The following SLC25A26 variants were observed in gnomAD, a reference collection of about 807,000 sequenced individuals.
SLC25A26 encodes the protein solute carrier family 25 member 26.
A neutral mutation model predicts 37.8 loss-of-function variants in SLC25A26; 36 were observed. The observed-to-expected ratio is 0.95, with a 90% CI of 0.73 to 1.26. The LOEUF (loss-of-function observed/expected upper bound fraction) is 1.26, where lower values mean the gene tolerates loss of function less well. Ranked by LOEUF, SLC25A26 falls within the 50% of genes most tolerant of loss-of-function variation. The pLI, the probability that SLC25A26 is intolerant of heterozygous loss-of-function variation, is 0.00. For missense variants in SLC25A26, 390 were observed against 331.1 expected (o/e 1.18, Z -1.38); for synonymous variants, 129 against 122.5 (o/e 1.05, Z -0.35).
rs535575463 is a variant in SLC25A26, at chr3:66,160,597, C to G, written c.-354+26613C>G. ...ATGTGCACAATAATGTGTGACAAAA[C>G]TTTAATTGACATATTGGCTTAATAC... On this transcript the variant is annotated intron_variant, in intron 1 of 10. Coordinates refer to the SLC25A26 transcript ENST00000676754. 4.9e-4 allele frequency among the ~76,000 whole-genome samples: 74 copies of G among 152,304 alleles called. 1 individual carries two copies. In the Middle Eastern group the frequency reaches 0.01, roughly 21 times the overall value.
At chr3:66,168,374 C>G (rs1257188961) in intron 1 of SLC25A26, among the ~76,000 whole-genome samples, 1 of 151,978 alleles carries the variant, frequency 6.6e-6, no homozygotes, top group Non-Finnish European at 1.5e-5. Context: ...TCGACTTCAT[C>G]TGCACTAAGA....
At chr3:66,221,962 A>G (rs1327609543) in intron 1 of SLC25A26, among the ~76,000 whole-genome samples, 1 of 151,996 alleles carries the variant, frequency 6.6e-6, no homozygotes, top group Non-Finnish European at 1.5e-5. Context: ...TGAGGATAAC[A>G]TGGTGAACAA....
intron 6 of SLC25A26, among the ~76,000 whole-genome samples, chr3:66,359,488 T>C (rs1173898692): frequency 6.6e-6 from 1 of 152,264 alleles, no homozygotes; most frequent in African/African-American, 2.4e-5. Flanking sequence ...TCAAGTCTAT[T>C]TGGAGTAGCC....
chr3:66,271,871 C>G (rs375054222), intron 5 of SLC25A26, among the ~76,000 whole-genome samples: 2 of 151,572 alleles, frequency 1.3e-5, no homozygotes, highest in Admixed American at 6.6e-5. Context: ...AATGTCTGTT[C>G]GTTTTCTTTT....
chr3:66,366,282 A>G (rs573794654), intron 7 of SLC25A26, among the ~76,000 whole-genome samples: 13 of 152,346 alleles, frequency 8.5e-5, no homozygotes, highest in Middle Eastern at 6.8e-3. Context: ...AGTAGCTTAC[A>G]GTGCCCTTAA....
At chr3:66,312,922 A>G (rs1284137202) in intron 5 of SLC25A26, among the ~76,000 whole-genome samples, 2 of 152,146 alleles carry the variant, frequency 1.3e-5, no homozygotes, top group African/African-American at 2.4e-5. Context: ...GCTGGGAGCT[A>G]CATATCGGAG....
At chr3:66,242,456 C>T (rs573253993) in intron 2 of SLC25A26, among the ~76,000 whole-genome samples, 1 of 152,312 alleles carries the variant, frequency 6.6e-6, no homozygotes, top group Admixed American at 6.5e-5. Flanking sequence ...CTTTGGAGAA[C>T]TGATTTTCAC....
chr3:66,159,754 TG>T (rs1187573866), intron 1 of SLC25A26, among the ~76,000 whole-genome samples: 2 of 152,184 alleles, frequency 1.3e-5, no homozygotes, highest in African/African-American at 4.8e-5. Context: ...TAGCTTCCCG[TG>T]AACAGCAAAG....
intron 1 of SLC25A26, among the ~76,000 whole-genome samples, chr3:66,193,674 C>G (rs1467417831): frequency 6.6e-6 from 1 of 151,742 alleles, no homozygotes. Flanking sequence ...AAAACTTACA[C>G]CAATTAAATG....
At chr3:66,162,515 G>C (rs1247022918) in intron 1 of SLC25A26, among the ~76,000 whole-genome samples, 1 of 152,024 alleles carries the variant, frequency 6.6e-6, no homozygotes, top group Non-Finnish European at 1.5e-5. Context: ...GCAGCAAACT[G>C]CAAGTATTTT....
At chr3:66,240,661 T>C (rs1383285895) in intron 2 of SLC25A26, among the ~76,000 whole-genome samples, 1 of 152,194 alleles carries the variant, frequency 6.6e-6, no homozygotes, top group Admixed American at 6.5e-5. Flanking sequence ...AATTTTAACT[T>C]TTTATATTTT....
At chr3:66,307,582 C>A (rs147488526) in intron 5 of SLC25A26, among the ~76,000 whole-genome samples, 1 of 152,138 alleles carries the variant, frequency 6.6e-6, no homozygotes, top group Non-Finnish European at 1.5e-5. Flanking sequence ...TTTGCCCATG[C>A]CTACGTCCTG....
intron 5 of SLC25A26, among the ~76,000 whole-genome samples, chr3:66,273,846 T>C (rs1316544902): frequency 1.3e-5 from 2 of 152,148 alleles, no homozygotes; most frequent in Non-Finnish European, 2.9e-5. Flanking sequence ...TTAGATTCAA[T>C]GCCATCCCCA....
chr3:66,291,257 A>G (rs576109867), intron 5 of SLC25A26, among the ~76,000 whole-genome samples: 1 of 152,222 alleles, frequency 6.6e-6, no homozygotes, highest in African/African-American at 2.4e-5. Context: ...TTTTCAAAAC[A>G]TCAGCTCCTA....
At chr3:66,279,074 G>C (rs782735) in intron 5 of SLC25A26, among the ~76,000 whole-genome samples, 1 of 152,024 alleles carries the variant, frequency 6.6e-6, no homozygotes, top group Non-Finnish European at 1.5e-5. Context: ...CACTCTATCA[G>C]TTGCTAAAAT....
At chr3:66,330,410 T>A (rs530001887) in intron 5 of SLC25A26, among the ~76,000 whole-genome samples, 129 of 152,242 alleles carry the variant, frequency 8.5e-4, no homozygotes, top group African/African-American at 3.0e-3. Context: ...ATTATTTAAA[T>A]GTTGTATATG....
At chr3:66,162,028 C>A (rs1427778611) in intron 1 of SLC25A26, among the ~76,000 whole-genome samples, 1 of 152,282 alleles carries the variant, frequency 6.6e-6, no homozygotes, top group Non-Finnish European at 1.5e-5. Context: ...GTGGCTTCAA[C>A]AAGAGAAATT....
intron 5 of SLC25A26, among the ~76,000 whole-genome samples, chr3:66,302,374 T>C (rs1360099850): frequency 2.0e-5 from 3 of 152,228 alleles, no homozygotes; most frequent in Admixed American, 6.5e-5. Context: ...ATAGTGGGCC[T>C]ACATTTCTGC....
At chr3:66,235,079 A>T (rs923905469) in intron 1 of SLC25A26, among the ~76,000 whole-genome samples, 2 of 152,078 alleles carry the variant, frequency 1.3e-5, no homozygotes, top group Non-Finnish European at 2.9e-5. Flanking sequence ...TGTCTTTTTC[A>T]CTAGTAAGTA....
Sources: gnomAD v4.1 joint callset for allele counts (sites outside exome capture counted in the v4.1 genomes callset) on GRCh38, gnomAD v4.1.1 for gene constraint, MANE v1.5 for transcripts, NCBI Gene and HGNC (gene_info 2026-07-23, HGNC 2026-07-21) for gene names.